The following IBA57 variants were observed in gnomAD, a reference collection of about 807,000 sequenced individuals.
The protein encoded by IBA57 is iron-sulfur cluster assembly factor IBA57, also known as iron-sulfur cluster assembly factor IBA57, mitochondrial.
A neutral mutation model predicts 20.4 loss-of-function variants in IBA57; 20 were observed. The observed-to-expected ratio is 0.98, with a 90% CI of 0.69 to 1.42. The LOEUF (loss-of-function observed/expected upper bound fraction) is 1.42. IBA57 is among the 40% of genes most tolerant of loss of function. The pLI is 0.00. For synonymous variants in IBA57, 310 were observed against 233.9 expected (o/e 1.33, Z -2.97); for missense variants, 608 against 499.3 (o/e 1.22, Z -2.07).
At position 228,170,965 on chromosome 1, in the gene IBA57, A is replaced by G. The variant is rs934801405; in HGVS notation, c.342-3727A>G. On this transcript the variant is annotated intron_variant, in intron 1 of 2. Transcript: ENST00000366711. The surrounding 1 kb of genome is among the most constrained non-coding windows in gnomAD (Gnocchi z 4.8). ...GTTGGCTGGGCCAGAGCCACCCCTG[A>G]CCTCCCTCCTCTTCCTGCACCCTTG... Among the ~76,000 whole-genome samples, 2 of 150,982 alleles carry G rather than the reference A, an allele frequency of 1.3e-5. No homozygotes were observed. The highest frequency in any genetic ancestry group is 4.9e-5 in the African/African-American group (2 of 40,966).
intron 1 of IBA57, among the ~76,000 whole-genome samples, chr1:228,174,165 G>GT (rs1199128191): frequency 5.1e-5 from 7 of 136,172 alleles, no homozygotes; most frequent in South Asian, 2.5e-4. Flanking sequence ...GGCTCGCTGT[G>GT]GGCGTGGCTC....
chr1:228,174,175 C>A lies in IBA57; in HGVS notation c.342-517C>A, dbSNP rs1465963496. ...GGCGTGGCTCGCTGTGGGCGTGGCT[C>A]GCTGTGGGCGTGGCTCGCTGTGGGC... is the stretch of plus-strand genomic sequence containing the variant. On this transcript the variant is annotated intron_variant, in intron 1 of 2. Coordinates refer to ENST00000366711, the MANE Select transcript of IBA57 (RefSeq NM_001010867.4). 3.5e-5 allele frequency among the ~76,000 whole-genome samples: 4 copies of A among 114,148 alleles called. 1 individual carries two copies. Among genetic ancestry groups the A allele is most frequent in the African/African-American group, 1.5e-4 (4 of 27,212 alleles). 74.9% of individuals were successfully genotyped at this position (114,148 alleles called of 152,430 possible). A position where few individuals can be genotyped will look rare whatever the true frequency, so the allele number is the denominator to read the frequency against.
Position 228,181,829 on chromosome 1 carries a change from TG to T in IBA57, c.*6319del, listed in dbSNP as rs1222413680. ...TTCAGTGTTTAAATTTTGAACGTCT[TG>T]GGTGAACACCTTGGTTTGAGAAAAG... On this transcript the variant is annotated 3_prime_UTR_variant, in exon 3 of 3. Transcript: ENST00000366711. The T allele has an allele frequency of 2.0e-5, 3 of 152,272 alleles. No homozygotes were observed. The highest frequency in any genetic ancestry group is 2.9e-5 in the Non-Finnish European group (2 of 68,058). The allele number at this position is 152,272 out of a possible 1,614,324, so 9.4% of individuals were successfully genotyped here.
chr1:228,174,590 A>G (rs1040601112), intron 1 of IBA57, 102 bp from the exon 2 acceptor site: 1 of 1,135,362 alleles, frequency 8.8e-7, no homozygotes, highest in Non-Finnish European at 1.2e-6. Flanking sequence ...GCGTTGGTCC[A>G]CGGTGTGCTC....
intron 2 of IBA57, 34 bp from the exon 3 acceptor site, chr1:228,175,088 A>C (rs202207985): frequency 6.3e-7 from 1 of 1,594,954 alleles, no homozygotes; most frequent in Non-Finnish European, 8.5e-7. Context: ...ACGATGTTCA[A>C]TTCTCGCTGG....
intron 1 of IBA57, among the ~76,000 whole-genome samples, chr1:228,173,906 G>T (rs1379324607): frequency 1.3e-5 from 2 of 152,254 alleles, no homozygotes; most frequent in African/African-American, 4.8e-5. Context: ...GCTCGTCTTT[G>T]CCTGCTTAGA....
In IBA57 at chr1:228,177,843, C is replaced by G. The variant is rs1289519638; in HGVS notation, c.*2330C>G. 1 of 152,206 alleles carries G rather than the reference C, an allele frequency of 6.6e-6. No individual in the cohort carries two copies. Among genetic ancestry groups the G allele is most frequent in the Non-Finnish European group, 1.5e-5 (1 of 68,044 alleles). The allele number at this position is 152,206 out of a possible 1,614,324, so 9.4% of individuals were successfully genotyped here. On this transcript the variant is annotated 3_prime_UTR_variant, in exon 3 of 3. Transcript: ENST00000366711. ...AATGTCCTTAGTCCTCTCAGAAAGG[C>G]CTGGCCTTTAGGACCTTGGAAGCAG...
In IBA57 at chr1:228,165,914, A is replaced by G; in HGVS notation, c.98A>G (p.His33Arg). The change falls in exon 1 of 3, where the codon CAC becomes CGC. Residue 33 changes from histidine (H) to arginine (R), a missense_variant. By Grantham distance (29) the His-to-Arg change is conservative (BLOSUM62 0). Coordinates refer to ENST00000366711, the MANE Select transcript of IBA57 (RefSeq NM_001010867.4). ...GCGGCCCCAAGGTGCCGCCTGGCCC[A>G]CAGCTCCTGCAGTCCTGGTGGCGAC... ...LRAAPRCRLA[H>R]SSCSPGGDPT... The G allele has an allele frequency of 6.8e-7, 1 of 1,463,514 alleles. No homozygotes were observed. Among genetic ancestry groups the G allele is most frequent in the Non-Finnish European group, 9.0e-7 (1 of 1,112,020 alleles). 90.7% of individuals were successfully genotyped at this position (1,463,514 alleles called of 1,614,324 possible).
At position 228,180,798 on chromosome 1, in the gene IBA57, C is replaced by T. The variant is rs1382940332; in HGVS notation, c.*5285C>T. On this transcript the variant is annotated 3_prime_UTR_variant, in exon 3 of 3. Transcript: ENST00000366711. ...AGTAGCAGGAACTACAGGTGTGAGT[C>T]ATCACACTCAGCTAATTTTTTTTTT... 2.0e-5 allele frequency: 3 copies of T among 150,610 alleles called. No individual in the cohort carries two copies. Among genetic ancestry groups the T allele is most frequent in the South Asian group, 2.1e-4 (1 of 4,780 alleles). 9.3% of individuals were successfully genotyped at this position (150,610 alleles called of 1,614,324 possible).
In IBA57 at chr1:228,175,753, G is replaced by A; in HGVS notation, c.*240G>A. 2 of 452,130 alleles carry A rather than the reference G, an allele frequency of 4.4e-6. No individual in the cohort carries two copies. Among genetic ancestry groups the A allele is most frequent in the Non-Finnish European group, 7.8e-6 (2 of 256,502 alleles). The allele number at this position is 452,130 out of a possible 1,614,324, so 28.0% of individuals were successfully genotyped here. On this transcript the variant is annotated 3_prime_UTR_variant, in exon 3 of 3. Transcript: ENST00000366711. Reference sequence around the variant, plus strand: ...GGCCCCAGAGGAGCCCACCGTGTGAGTGCTGGGCTCCAGATGGCGCCGGGT... The same window carrying A: ...GGCCCCAGAGGAGCCCACCGTGTGAATGCTGGGCTCCAGATGGCGCCGGGT...
At chr1:228,169,752 C>T (rs1220196263) in intron 1 of IBA57, among the ~76,000 whole-genome samples, 2 of 152,254 alleles carry the variant, frequency 1.3e-5, no homozygotes, top group African/African-American at 2.4e-5. Context: ...TCCATAGTTT[C>T]ATGCTTTCCA....
intron 1 of IBA57, among the ~76,000 whole-genome samples, chr1:228,167,079 C>T (rs2034863949): frequency 6.6e-6 from 1 of 152,208 alleles, no homozygotes; most frequent in African/African-American, 2.4e-5. Flanking sequence ...TTTCTCGCTG[C>T]CAGCTTTTCT....
At chr1:228,175,078 A>G (rs774604920) in intron 2 of IBA57, 44 bp from the exon 3 acceptor site, 2 of 1,586,330 alleles carry the variant, frequency 1.3e-6, no homozygotes, top group African/African-American at 2.7e-5. Context: ...GTGGAGCTGG[A>G]CGATGTTCAA....
Position 228,177,797 on chromosome 1 carries a change from A to G in IBA57, c.*2284A>G, listed in dbSNP as rs1274522535. On this transcript the variant is annotated 3_prime_UTR_variant, in exon 3 of 3. Coordinates refer to ENST00000366711, the MANE Select transcript of IBA57 (RefSeq NM_001010867.4). ...AACAAAAGAGCCCCTCTGTCATACA[A>G]ACCAAATCAGTTTTCACCAAAATGT... 1 of 152,182 alleles carries G rather than the reference A, an allele frequency of 6.6e-6. No homozygotes were observed. Among genetic ancestry groups the G allele is most frequent in the Non-Finnish European group, 1.5e-5 (1 of 68,056 alleles). 9.4% of individuals were successfully genotyped at this position (152,182 alleles called of 1,614,324 possible).
rs1403342810 is a variant in IBA57, at chr1:228,174,916, C to T, written c.566C>T (p.Pro189Leu). The part of the protein sequence containing the change: ...AGAAAILIRD[P>L]RTARMGWRLL... ...GCTGCCGCCATCCTCATCCGCGACC[C>T]GCGAACAGCACGCATGGGGTGGCGG... is the stretch of plus-strand genomic sequence containing the variant. Residue 189 changes from proline (P) to leucine (L), a missense_variant, in exon 2 of 3, where the codon CCG becomes CTG. Pro to Leu is a moderately conservative substitution (Grantham distance 98). Transcript: ENST00000366711. 4.4e-6 allele frequency: 7 copies of T among 1,599,704 alleles called. No individual in the cohort carries two copies. Among genetic ancestry groups the T allele is most frequent in the Admixed American group, 1.7e-5 (1 of 59,422 alleles).
rs2035102755 is a variant in IBA57, at chr1:228,181,029, T to A, written c.*5516T>A. ...GGGATTGGGGCATGAGGCACTGTGC[T>A]AACTTCATGTTGAAATTGAATTGCC... On this transcript the variant is annotated 3_prime_UTR_variant, in exon 3 of 3. Coordinates refer to ENST00000366711, the MANE Select transcript of IBA57 (RefSeq NM_001010867.4). 1 of 152,144 alleles carries A rather than the reference T, an allele frequency of 6.6e-6. No homozygotes were observed. Among genetic ancestry groups the A allele is most frequent in the South Asian group, 2.1e-4 (1 of 4,822 alleles). 9.4% of individuals were successfully genotyped at this position (152,144 alleles called of 1,614,324 possible).
At position 228,165,962 on chromosome 1, in the gene IBA57, C is replaced by T. The variant is rs1418637236; in HGVS notation, c.146C>T (p.Ala49Val). Residue 49 changes from alanine to valine, a missense_variant, in exon 1 of 3, where the codon GCC becomes GTC. Ala to Val is a moderately conservative substitution (Grantham distance 64). Transcript: ENST00000366711. ...GGDPTAGAAW[A>V]CFRLDGRTLL... ...GACCCAACGGCCGGAGCGGCCTGGG[C>T]CTGCTTCCGGCTGGACGGGCGCACC... 6.6e-7 allele frequency: 1 copy of T among 1,514,554 alleles called. No homozygotes were observed. Among genetic ancestry groups the T allele is most frequent in the Non-Finnish European group, 8.8e-7 (1 of 1,139,174 alleles). The allele number at this position is 1,514,554 out of a possible 1,614,324, so 93.8% of individuals were successfully genotyped here.
At position 228,178,068 on chromosome 1, in the gene IBA57, T is replaced by C. The variant is rs1467070886; in HGVS notation, c.*2555T>C. 1 of 152,186 alleles carries C rather than the reference T, an allele frequency of 6.6e-6. No homozygotes were observed. 9.4% of individuals were successfully genotyped at this position (152,186 alleles called of 1,614,324 possible). Reference sequence around the variant, plus strand: ...GTGCAGTTGTGTTATGTGGGTATAGTGCATGGTGGTGCAGTCTGGGCTTCT... The same window carrying C: ...GTGCAGTTGTGTTATGTGGGTATAGCGCATGGTGGTGCAGTCTGGGCTTCT... On this transcript the variant is annotated 3_prime_UTR_variant, in exon 3 of 3. Transcript: ENST00000366711.
At position 228,165,885 on chromosome 1, in the gene IBA57, G is replaced by C. The variant is rs1272473323; in HGVS notation, c.69G>C (p.Leu23=). The C allele has an allele frequency of 7.4e-7, 1 of 1,343,200 alleles. No individual in the cohort carries two copies. Among genetic ancestry groups the C allele is most frequent in the Non-Finnish European group, 9.5e-7 (1 of 1,053,460 alleles). 83.2% of individuals were successfully genotyped at this position (1,343,200 alleles called of 1,614,324 possible). A position where few individuals can be genotyped will look rare whatever the true frequency, so the allele number is the denominator to read the frequency against. The change falls in exon 1 of 3, where the codon CTG becomes CTC. Residue 23 remains leucine, a synonymous_variant. Transcript: ENST00000366711. ...GRGGPVWRWR[L]RAAPRCRLAH... ...GCGGCCCGGTCTGGCGCTGGCGGCTGCGCGCGGCCCCAAGGTGCCGCCTGG... is the reference window on the plus strand; with the variant it reads ...GCGGCCCGGTCTGGCGCTGGCGGCTCCGCGCGGCCCCAAGGTGCCGCCTGG...
Sources: gnomAD v4.1 joint callset for allele counts (sites outside exome capture counted in the v4.1 genomes callset) on GRCh38, gnomAD v4.1.1 for gene constraint, Gnocchi (gnomAD v3.1) non-coding constraint, MANE v1.5 for transcripts, NCBI Gene and HGNC (gene_info 2026-07-23, HGNC 2026-07-21) for gene names.